Variants in LRP1B observed in about 807,000 individuals in gnomAD.
The protein encoded by LRP1B is low-density lipoprotein receptor-related protein 1B.
Under a neutral mutation model 556.6 loss-of-function variants are expected in LRP1B, and 217 were observed. That is an observed-to-expected ratio of 0.39 (90% CI 0.35 to 0.44). The LOEUF is 0.44. Ranked by LOEUF, LRP1B falls within the 20% of genes least tolerant of loss-of-function variation. LRP1B has a pLI of 1.00. For missense variants in LRP1B, 5,053 were observed against 5,620.8 expected (o/e 0.90, Z 3.23); for synonymous variants, 2,047 against 1,865.8 (o/e 1.10, Z -2.50).
At chr2:140,801,098 T>C (rs1286258806) in intron 32 of LRP1B, among the ~76,000 whole-genome samples, 3 of 152,220 alleles carry the variant, frequency 2.0e-5, no homozygotes, top group Non-Finnish European at 2.9e-5. Flanking sequence ...TTTACTATTA[T>C]TGAGATGTAC....
At chr2:142,013,040 G>A (rs1267968647) in intron 1 of LRP1B, among the ~76,000 whole-genome samples, 2 of 152,190 alleles carry the variant, frequency 1.3e-5, no homozygotes, top group African/African-American at 2.4e-5. Context: ...GTAGGAAACA[G>A]AGTGAATAGA....
chr2:140,467,462 A>T (rs992856396), intron 60 of LRP1B, among the ~76,000 whole-genome samples: 2 of 151,252 alleles, frequency 1.3e-5, no homozygotes, highest in Non-Finnish European at 3.0e-5. Flanking sequence ...AAAAAAAAAA[A>T]TTTGCTGGGC....
At chr2:140,298,906 T>C (rs1683707183) in intron 83 of LRP1B, among the ~76,000 whole-genome samples, 1 of 152,028 alleles carries the variant, frequency 6.6e-6, no homozygotes, top group South Asian at 2.1e-4. Context: ...GGTAAAATAA[T>C]AAATTTCAAA....
chr2:141,066,578 A>G (rs1200460580), intron 7 of LRP1B, among the ~76,000 whole-genome samples: 3 of 151,930 alleles, frequency 2.0e-5, no homozygotes, highest in Non-Finnish European at 4.4e-5. Context: ...TATCCATTTT[A>G]AATAATGCTT....
chr2:141,737,613 A>C (rs1191588442), intron 2 of LRP1B, among the ~76,000 whole-genome samples: 2 of 152,142 alleles, frequency 1.3e-5, no homozygotes, highest in Non-Finnish European at 2.9e-5. Context: ...TGTTTACCCC[A>C]TCATGTTAGA....
intron 39 of LRP1B, 48 bp from the exon 40 acceptor site, chr2:140,701,893 AG>A: frequency 1.2e-6 from 2 of 1,608,652 alleles, no homozygotes; most frequent in Non-Finnish European, 1.7e-6. Context: ...GACTAATTAA[AG>A]TCAAGCCAGT....
chr2:140,755,894 C>T (rs1382195677), intron 35 of LRP1B, among the ~76,000 whole-genome samples: 1 of 151,762 alleles, frequency 6.6e-6, no homozygotes, highest in Non-Finnish European at 1.5e-5. Flanking sequence ...TAAAAGGCAC[C>T]TAAGTTGGAA....
At chr2:140,963,461 T>A (rs1424744681) in intron 18 of LRP1B, among the ~76,000 whole-genome samples, 5 of 151,408 alleles carry the variant, frequency 3.3e-5, no homozygotes, top group Admixed American at 6.6e-5. Context: ...ATATATATAT[T>A]TTTAACCAAT....
At chr2:140,323,750 G>A in intron 81 of LRP1B, 143 bp downstream of exon 81, 1 of 414,890 alleles carries the variant, frequency 2.4e-6, no homozygotes, top group Non-Finnish European at 4.3e-6. Context: ...AGTTGAAAAA[G>A]TCTAGTGACA....
chr2:141,320,524 T>C (rs1442562341), intron 3 of LRP1B, among the ~76,000 whole-genome samples: 1 of 152,084 alleles, frequency 6.6e-6, no homozygotes, highest in Non-Finnish European at 1.5e-5. Context: ...GGAGGACCAC[T>C]CCTACTTAAT....
At chr2:140,456,880 G>C (rs925447314) in intron 61 of LRP1B, among the ~76,000 whole-genome samples, 2 of 151,960 alleles carry the variant, frequency 1.3e-5, no homozygotes, top group African/African-American at 4.8e-5. Flanking sequence ...AATAAACAAA[G>C]ACTAGAAGCA....
At chr2:140,678,957 T>C (rs947055591) in intron 41 of LRP1B, among the ~76,000 whole-genome samples, 1 of 152,114 alleles carries the variant, frequency 6.6e-6, no homozygotes, top group African/African-American at 2.4e-5. Flanking sequence ...TTCATGTTTT[T>C]GTAGAGACAG....
chr2:141,350,575 A>G (rs1310550260), intron 3 of LRP1B, among the ~76,000 whole-genome samples: 1 of 152,114 alleles, frequency 6.6e-6, no homozygotes, highest in South Asian at 2.1e-4. Context: ...CAGAGAAAAA[A>G]TCATTTTGGT....
chr2:141,276,637 T>TC (rs1685299930), intron 3 of LRP1B, among the ~76,000 whole-genome samples: 8 of 134,692 alleles, frequency 5.9e-5, no homozygotes, highest in South Asian at 4.8e-4. Context: ...TCATTCTATT[T>TC]TTTTCTTTCT....
chr2:140,832,136 A>G (rs8179554), intron 31 of LRP1B, among the ~76,000 whole-genome samples: 130,630 of 152,158 alleles, frequency 0.86, 56,656 homozygotes, highest in East Asian at 0.99. Context: ...TCACTTATAT[A>G]TGATTTTTTT....
chr2:141,464,608 T>TATATATATATATA, intron 3 of LRP1B, among the ~76,000 whole-genome samples: 1 of 48,374 alleles, frequency 2.1e-5, no homozygotes. Context: ...ATATATATAT[T>TATATATATATATA]TTTTTAGTAG....
chr2:141,063,407 A>C (rs527786950), intron 7 of LRP1B, among the ~76,000 whole-genome samples: 1 of 151,986 alleles, frequency 6.6e-6, no homozygotes, highest in Non-Finnish European at 1.5e-5. Context: ...AGTGCATACT[A>C]TTTGTAATAG....
Position 141,304,095 on chromosome 2 carries a change from A to G in LRP1B, c.344-49454T>C, listed in dbSNP as rs115480328. On this transcript the variant is annotated intron_variant, in intron 3 of 90. Transcript: ENST00000389484. The stretch of plus-strand genomic sequence containing the variant: ...AAATATTTACTCATTTCCTTTACCT[A>G]CTTTTTAATGGGATTATTTGTTTCT... Among the ~76,000 whole-genome samples the G allele has an allele frequency of 8.7e-3, 1,330 of 152,070 alleles. 25 individuals are homozygous for G. Among genetic ancestry groups the G allele is most frequent in the African/African-American group, 0.031 (1,271 of 41,504 alleles).
At chr2:141,149,190 TTTTTG>T (rs1220156739) in intron 7 of LRP1B, among the ~76,000 whole-genome samples, 29 of 152,200 alleles carry the variant, frequency 1.9e-4, no homozygotes, top group African/African-American at 5.8e-4. Flanking sequence ...AAAAGGGTTT[TTTTTG>T]TTTTGTTTTG....
Sources: allele counts gnomAD v4.1 joint callset (sites outside exome capture counted in the v4.1 genomes callset), GRCh38; gene constraint gnomAD v4.1.1; transcripts MANE v1.5; gene names NCBI Gene and HGNC (gene_info 2026-07-23, HGNC 2026-07-21).